The following SV2C variants were observed in gnomAD, a reference collection of about 807,000 sequenced individuals.
The protein encoded by SV2C is solute carrier family 22 member B3.
SV2C carries 49 observed loss-of-function variants against 79.7 expected under a neutral mutation model. The ratio of observed to expected loss-of-function variants is 0.61; its 90% CI spans 0.49 to 0.78. The LOEUF (loss-of-function observed/expected upper bound fraction) is 0.78. Among genes scored for constraint, SV2C ranks in the 30% least tolerant of loss-of-function variants. The pLI is 0.00. For synonymous variants in SV2C, 334 were observed against 333.2 expected (o/e 1.00, Z -0.03); for missense variants, 833 against 912.9 (o/e 0.91, Z 1.13).
At chr5:75,950,285 A>G in the SV2C span, among the ~76,000 whole-genome samples, 3 of 152,064 alleles carry the variant, frequency 2.0e-5, no homozygotes, top group Non-Finnish European at 2.9e-5. Flanking sequence ...AGAAGGTGAT[A>G]TGAAGAGAAC....
the SV2C span, chr5:75,911,041 G>A: frequency 8.8e-7 from 1 of 1,135,296 alleles, no homozygotes; most frequent in Non-Finnish European, 1.3e-6. Flanking sequence ...TGAAGAGTGA[G>A]AGTGAATCTG....
At chr5:75,902,590 G>C in the SV2C span, among the ~76,000 whole-genome samples, 3 of 152,110 alleles carry the variant, frequency 2.0e-5, no homozygotes, top group African/African-American at 7.2e-5. Flanking sequence ...GAGCTCAAAT[G>C]GTCTATTTTG....
chr5:75,944,565 A>G, the SV2C span, among the ~76,000 whole-genome samples: 1 of 152,162 alleles, frequency 6.6e-6, no homozygotes, highest in Non-Finnish European at 1.5e-5. Context: ...TAATACAAGA[A>G]TTGGAAATTA....
At chr5:75,874,594 T>C in the SV2C span, among the ~76,000 whole-genome samples, 1 of 151,918 alleles carries the variant, frequency 6.6e-6, no homozygotes, top group East Asian at 1.9e-4. Flanking sequence ...CACATCCAAA[T>C]AGGAAGAGAG....
the SV2C span, among the ~76,000 whole-genome samples, chr5:75,863,888 C>T: frequency 6.6e-6 from 1 of 152,254 alleles, no homozygotes; most frequent in Admixed American, 6.5e-5. Context: ...ACTAAGGTAT[C>T]TTTAAGGTAT....
chr5:76,321,477 C>T (rs1748827871), intron 12 of SV2C, among the ~76,000 whole-genome samples: 1 of 152,132 alleles, frequency 6.6e-6, no homozygotes, highest in East Asian at 1.9e-4. Flanking sequence ...TGGTGGCTCA[C>T]ACCTGTAATC....
downstream of SV2C, among the ~76,000 whole-genome samples, chr5:76,335,414 CTTTTT>C (rs869230352): frequency 3.4e-4 from 33 of 98,124 alleles, no homozygotes; most frequent in African/African-American, 9.5e-4. Flanking sequence ...ACACATTTTC[CTTTTT>C]TTTTTTTTTT....
intron 4 of SV2C, among the ~76,000 whole-genome samples, chr5:76,214,920 C>A (rs371148472): frequency 2.0e-5 from 3 of 152,102 alleles, no homozygotes; most frequent in African/African-American, 7.2e-5. Flanking sequence ...TTGGTGACAT[C>A]TTTAGAATTT....
chr5:75,853,318 A>G, the SV2C span, among the ~76,000 whole-genome samples: 1 of 152,142 alleles, frequency 6.6e-6, no homozygotes, highest in African/African-American at 2.4e-5. Context: ...GCACTTTGGG[A>G]GGCGGAGGCG....
the SV2C span, among the ~76,000 whole-genome samples, chr5:76,036,048 C>G: frequency 1.3e-5 from 2 of 151,964 alleles, no homozygotes; most frequent in Non-Finnish European, 2.9e-5. Flanking sequence ...TCTGTTTTAT[C>G]AGAGACTAGG....
intron 2 of SV2C, among the ~76,000 whole-genome samples, chr5:76,162,723 G>A (rs1388129059): frequency 6.6e-6 from 1 of 152,158 alleles, no homozygotes; most frequent in Non-Finnish European, 1.5e-5. Flanking sequence ...TGGCTTACAC[G>A]AATTGGGCCC....
intron 1 of SV2C, among the ~76,000 whole-genome samples, chr5:76,127,854 G>T (rs1057211938): frequency 6.6e-6 from 1 of 152,108 alleles, no homozygotes; most frequent in African/African-American, 2.4e-5. Context: ...TTATACTCCA[G>T]AGTTCCTCCT....
downstream of SV2C, among the ~76,000 whole-genome samples, chr5:76,338,063 G>A (rs11954779): frequency 0.083 from 12,677 of 152,252 alleles, 1,018 homozygotes; most frequent in African/African-American, 0.2. Flanking sequence ...CCCTTTGTTC[G>A]GTGGGGAGAG....
the SV2C span, among the ~76,000 whole-genome samples, chr5:76,047,035 GTTC>G: frequency 1.3e-5 from 2 of 152,182 alleles, no homozygotes; most frequent in Non-Finnish European, 1.5e-5. Flanking sequence ...TCTGACTCAT[GTTC>G]TTCTTAAGTG....
At chr5:75,944,646 G>T in the SV2C span, among the ~76,000 whole-genome samples, 210 of 152,198 alleles carry the variant, frequency 1.4e-3, no homozygotes, top group African/African-American at 4.8e-3. Context: ...TGACACCTGG[G>T]TTTGAACTAA....
At chr5:75,953,402 T>C in the SV2C span, among the ~76,000 whole-genome samples, 5 of 151,982 alleles carry the variant, frequency 3.3e-5, no homozygotes, top group Non-Finnish European at 7.4e-5. Flanking sequence ...TCAAACTTCA[T>C]ATATCAAAAA....
At chr5:76,185,691 G>A (rs1340599438) in intron 2 of SV2C, among the ~76,000 whole-genome samples, 1 of 152,236 alleles carries the variant, frequency 6.6e-6, no homozygotes, top group Non-Finnish European at 1.5e-5. Flanking sequence ...TTCCAAGGCT[G>A]CATAGCAGCC....
At chr5:76,013,085 C>A in the SV2C span, among the ~76,000 whole-genome samples, 1 of 152,100 alleles carries the variant, frequency 6.6e-6, no homozygotes, top group Non-Finnish European at 1.5e-5. Flanking sequence ...CTTGGCTATA[C>A]GGGCTCTTTT....
At chr5:75,933,873 C>T in the SV2C span, among the ~76,000 whole-genome samples, 1 of 152,206 alleles carries the variant, frequency 6.6e-6, no homozygotes, top group Non-Finnish European at 1.5e-5. Context: ...GGAAAGGCTC[C>T]TCGTTCCCCT....
Sources: gnomAD v4.1 joint callset for allele counts (sites outside exome capture counted in the v4.1 genomes callset) on GRCh38, gnomAD v4.1.1 for gene constraint, MANE v1.5 for transcripts, NCBI Gene and HGNC (gene_info 2026-07-23, HGNC 2026-07-21) for gene names.